The following TG variants were observed in gnomAD, a reference collection of about 807,000 sequenced individuals.
TG encodes the protein thyroid hormones.
A neutral mutation model predicts 324.7 loss-of-function variants in TG; 270 were observed. The observed-to-expected ratio is 0.83, with a 90% CI of 0.75 to 0.92. The LOEUF is 0.92. Ranked by LOEUF, TG falls within the 40% of genes least tolerant of loss-of-function variation. The pLI is 0.00. For missense variants in TG, 3,591 were observed against 3,456.4 expected, an observed-to-expected ratio of 1.04 and a Z score of -0.98; for synonymous variants, 1,401 against 1,327.0, an observed-to-expected ratio of 1.06 and a Z score of -1.21.
intron 16 of TG, among the ~76,000 whole-genome samples, chr8:132,902,495 T>C (rs747340989): frequency 2.0e-5 from 3 of 152,144 alleles, no homozygotes; most frequent in Non-Finnish European, 4.4e-5. Flanking sequence ...ACCTGTGCTG[T>C]GTCCAAGGCT....
intron 14 of TG, 46 bp from the exon 15 acceptor site, chr8:132,900,191 G>A: frequency 3.2e-6 from 5 of 1,569,114 alleles, no homozygotes; most frequent in Non-Finnish European, 4.4e-6. Flanking sequence ...TTGGCCACTA[G>A]AGCATCTTGC....
intron 4 of TG, among the ~76,000 whole-genome samples, chr8:132,872,305 C>T (rs537944624): frequency 0.013 from 1,997 of 151,444 alleles, 27 homozygotes; most frequent in Non-Finnish European, 0.021. Flanking sequence ...GGTGAAACCC[C>T]GTCTCTACTA....
intron 40 of TG, among the ~76,000 whole-genome samples, chr8:133,024,949 C>T (rs1466854404): frequency 6.6e-6 from 1 of 152,078 alleles, no homozygotes; most frequent in African/African-American, 2.4e-5. Flanking sequence ...TTTGACCCAG[C>T]AATCTCATTA....
chr8:133,002,846 C>A, intron 35 of TG: 1 of 231,494 alleles, frequency 4.3e-6, no homozygotes, highest in South Asian at 9.2e-5. Flanking sequence ...TGCCCTTGTT[C>A]ATTTGCAACA....
Position 132,887,084 on chromosome 8 carries a change from T to C in TG, c.1712T>C (p.Leu571Pro), listed in dbSNP as rs1393613539. 1 of 1,614,204 alleles carries C rather than the reference T, an allele frequency of 6.2e-7. No individual in the cohort carries two copies. The highest frequency in any genetic ancestry group is 8.5e-7 in the Non-Finnish European group (1 of 1,180,038). Residue 571 changes from leucine (L) to proline (P), a missense_variant, in exon 9 of 48, where the codon CTC becomes CCC. By Grantham distance (98) the Leu-to-Pro change is moderately conservative. Coordinates refer to ENST00000220616, the MANE Select transcript of TG (RefSeq NM_003235.5). ...NQNALKFLAS[L>P]LELPEFLLFL... is the part of the protein sequence containing the mutation. ...AATGCCCTCAAATTCCTTGCTTCTC[T>C]CCTGGAGCTTCCAGAATTCCTTCTC...
intron 22 of TG, among the ~76,000 whole-genome samples, chr8:132,928,515 T>G (rs1041536483): frequency 1.4e-4 from 21 of 152,222 alleles, no homozygotes; most frequent in Admixed American, 7.9e-4. Flanking sequence ...TTTTATGAGC[T>G]TGTGACTGTT....
chr8:133,015,502 C>T (rs556836664), intron 37 of TG, among the ~76,000 whole-genome samples: 82 of 152,276 alleles, frequency 5.4e-4, no homozygotes, highest in African/African-American at 1.9e-3. Flanking sequence ...ACATTTTCCC[C>T]GTGTTTGATC....
intron 35 of TG, among the ~76,000 whole-genome samples, chr8:132,991,767 C>T (rs55669707): frequency 3.9e-5 from 6 of 151,946 alleles, no homozygotes; most frequent in Non-Finnish European, 5.9e-5. Context: ...CCACATCTGC[C>T]AGGGACTGTG....
intron 40 of TG, among the ~76,000 whole-genome samples, chr8:133,026,186 G>A (rs888805986): frequency 2.6e-5 from 4 of 152,172 alleles, no homozygotes; most frequent in East Asian, 1.9e-4. Context: ...GCAGCCCCTC[G>A]TGAGCATCAT....
intron 41 of TG, among the ~76,000 whole-genome samples, chr8:133,083,007 A>C (rs1159925109): frequency 1.3e-5 from 2 of 152,190 alleles, no homozygotes; most frequent in Non-Finnish European, 2.9e-5. Flanking sequence ...AACTAATTAC[A>C]CTTAGTGGCG....
Position 133,084,204 on chromosome 8 carries a change from G to A in TG, c.7240-10840G>A, listed in dbSNP as rs149376893. 5.7e-3 allele frequency among the ~76,000 whole-genome samples: 864 copies of A among 152,232 alleles called. 9 individuals carry two copies. Among genetic ancestry groups the A allele is most frequent in the Non-Finnish European group, 6.7e-3 (459 of 68,022 alleles). Reference sequence around the variant, plus strand: ...AAATGGAGAGAGAGGGGCAGTCTAGGGGCTACTGGAAGGAAAATAGAAAAA... The same window carrying A: ...AAATGGAGAGAGAGGGGCAGTCTAGAGGCTACTGGAAGGAAAATAGAAAAA... On this transcript the variant is annotated intron_variant, in intron 41 of 47. Transcript: ENST00000220616.
intron 45 of TG, among the ~76,000 whole-genome samples, chr8:133,124,276 G>A (rs1049627944): frequency 1.3e-5 from 2 of 152,226 alleles, no homozygotes; most frequent in Non-Finnish European, 2.9e-5. Flanking sequence ...GGCCTCCAGG[G>A]TGCTGGGATG....
intron 47 of TG, among the ~76,000 whole-genome samples, chr8:133,134,162 G>A (rs1852172639): frequency 6.6e-6 from 1 of 152,166 alleles, no homozygotes; most frequent in South Asian, 2.1e-4. Flanking sequence ...ATGCCCTTAG[G>A]AAGCTTTGGA....
At chr8:133,040,567 G>T (rs1472780212) in intron 41 of TG, among the ~76,000 whole-genome samples, 1 of 152,180 alleles carries the variant, frequency 6.6e-6, no homozygotes. Context: ...CAGGGTGTGA[G>T]AATGGGGCTG....
chr8:132,923,250 A>G, intron 21 of TG, 88 bp from the exon 22 acceptor site: 1 of 1,427,842 alleles, frequency 7.0e-7, no homozygotes, highest in Non-Finnish European at 9.8e-7. Flanking sequence ...TGACTTGGAC[A>G]CCTTGTCAAT....
At chr8:132,931,171 G>C in intron 23 of TG, among the ~76,000 whole-genome samples, 1 of 152,148 alleles carries the variant, frequency 6.6e-6, no homozygotes, top group East Asian at 1.9e-4. Flanking sequence ...GACTTCACTT[G>C]GTCTTCCCTA....
chr8:132,886,706 G>A lies in TG; in HGVS notation c.1334G>A (p.Arg445Gln), dbSNP rs1007558007. 27 of 1,614,042 alleles carry A rather than the reference G, an allele frequency of 1.7e-5. No homozygotes were observed. The highest frequency in any genetic ancestry group is 1.1e-4 in the East Asian group (5 of 44,886). ...GAAAATCTTCTCAAAGAAGCCATCC[G>A]AGCAATTTTTCCCTCCCGAGGGCTG... ...VSENLLKEAIRAIFPSRGLAR... is the reference protein window; with the variant it reads ...VSENLLKEAIQAIFPSRGLAR... Residue 445 changes from arginine (R) to glutamine (Q), a missense_variant, in exon 9 of 48, where the codon CGA becomes CAA. Arg to Gln is a conservative substitution (Grantham distance 43, BLOSUM62 1). Coordinates refer to ENST00000220616, the MANE Select transcript of TG (RefSeq NM_003235.5).
chr8:133,066,120 G>A (rs1009942329), intron 41 of TG, among the ~76,000 whole-genome samples: 8 of 151,996 alleles, frequency 5.3e-5, no homozygotes, highest in African/African-American at 1.2e-4. Context: ...TGAGGAGATC[G>A]AGACCATCCT....
Position 132,886,878 on chromosome 8 carries a change from G to A in TG, c.1506G>A (p.Gln502=), listed in dbSNP as rs753880122. ...RGTFNFSQFF[Q]QLGLASFLNG... Reference sequence around the variant, plus strand: ...CATTTAACTTCAGTCAATTTTTCCAGCAACTTGGTCTTGCAAGCTTCTTGA... The same window carrying A: ...CATTTAACTTCAGTCAATTTTTCCAACAACTTGGTCTTGCAAGCTTCTTGA... Residue 502 remains glutamine (Q), a synonymous_variant, in exon 9 of 48, where the codon CAG becomes CAA. Transcript: ENST00000220616. 1 of 1,614,130 alleles carries A rather than the reference G, an allele frequency of 6.2e-7. No individual in the cohort carries two copies. Among genetic ancestry groups the A allele is most frequent in the South Asian group, 1.1e-5 (1 of 91,078 alleles).
Sources: gnomAD v4.1 joint callset for allele counts (sites outside exome capture counted in the v4.1 genomes callset) on GRCh38, gnomAD v4.1.1 for gene constraint, MANE v1.5 for transcripts, NCBI Gene and HGNC (gene_info 2026-07-23, HGNC 2026-07-21) for gene names.